NDUFS4: variants seen among roughly 807,000 people sequenced by gnomAD.
NDUFS4 encodes the protein NADH:ubiquinone oxidoreductase subunit S4.
A neutral mutation model predicts 24.3 loss-of-function variants in NDUFS4; 28 were observed. The ratio of observed to expected loss-of-function variants is 1.15; its 90% CI spans 0.85 to 1.58. The LOEUF (loss-of-function observed/expected upper bound fraction) is 1.58, where lower values mean the gene tolerates loss of function less well. NDUFS4 is among the 40% of genes most tolerant of loss of function. The pLI, the probability that NDUFS4 is intolerant of heterozygous loss-of-function variation, is 0.00. For missense variants in NDUFS4, 223 were observed against 207.9 expected (o/e 1.07, Z -0.45); for synonymous variants, 93 against 69.7 (o/e 1.34, Z -1.67).
chr5:53,563,019 GGAGATC>G, intron 1 of NDUFS4, among the ~76,000 whole-genome samples: 1 of 151,998 alleles, frequency 6.6e-6, no homozygotes. Context: ...CACAAGGTCA[GGAGATC>G]GAGACCATCC....
intron 4 of NDUFS4, among the ~76,000 whole-genome samples, chr5:53,660,722 G>A (rs1253935904): frequency 6.6e-6 from 1 of 152,116 alleles, no homozygotes; most frequent in Non-Finnish European, 1.5e-5. Context: ...TCTCATTGTG[G>A]TTTTAATTTG....
chr5:53,683,076 T>C (rs374514833), intron 4 of NDUFS4, 42 bp from the exon 5 acceptor site: 11 of 1,317,690 alleles, frequency 8.3e-6, no homozygotes, highest in Non-Finnish European at 1.1e-5. Context: ...GTATCCTCTT[T>C]AATTCTGTTT....
intron 4 of NDUFS4, among the ~76,000 whole-genome samples, chr5:53,665,461 C>T (rs544623008): frequency 6.4e-4 from 97 of 152,306 alleles, no homozygotes; most frequent in African/African-American, 2.1e-3. Context: ...TCTTGAGCTG[C>T]GCTGGGCTCC....
chr5:53,582,553 T>C (rs1043005793), intron 1 of NDUFS4, among the ~76,000 whole-genome samples: 25 of 152,238 alleles, frequency 1.6e-4, no homozygotes, highest in African/African-American at 5.1e-4. Flanking sequence ...GAGGAGAATG[T>C]GCAAACTCCA....
At chr5:53,668,616 ATTTTTT>A (rs951595795) in intron 4 of NDUFS4, among the ~76,000 whole-genome samples, 6 of 132,342 alleles carry the variant, frequency 4.5e-5, no homozygotes, top group Admixed American at 7.7e-5. Flanking sequence ...TGTCCAGCTA[ATTTTTT>A]TTTTTTTTTT....
chr5:53,680,598 A>G lies in NDUFS4; in HGVS notation c.425-2520A>G, dbSNP rs560545190. ...TTCTCAGTAAACTATCGCAAGGACA[A>G]AAAACCAAACACCACATGTTCTCAC... On this transcript the variant is annotated intron_variant, in intron 4 of 4. Coordinates refer to ENST00000296684, the MANE Select transcript of NDUFS4 (RefSeq NM_002495.4). Among the ~76,000 whole-genome samples the G allele has an allele frequency of 5.3e-5, 8 of 152,254 alleles. No individual in the cohort carries two copies. In the South Asian group the frequency reaches 1.2e-3, roughly 24 times the overall value.
chr5:53,661,929 A>T (rs952227604), intron 4 of NDUFS4, among the ~76,000 whole-genome samples: 1 of 149,488 alleles, frequency 6.7e-6, no homozygotes, highest in African/African-American at 2.5e-5. Context: ...ATATACAACC[A>T]TGTCATCTGC....
intron 2 of NDUFS4, among the ~76,000 whole-genome samples, chr5:53,626,732 GT>G (rs921886153): frequency 6.6e-6 from 1 of 151,564 alleles, no homozygotes; most frequent in South Asian, 2.1e-4. Flanking sequence ...GGGGCTGTTG[GT>G]TTTTTTTCTC....
chr5:53,648,750 T>G (rs967451844), intron 3 of NDUFS4, among the ~76,000 whole-genome samples: 7 of 152,148 alleles, frequency 4.6e-5, no homozygotes, highest in Non-Finnish European at 8.8e-5. Flanking sequence ...ACTGCCCTCC[T>G]TTGCAACCAA....
chr5:53,652,009 G>A (rs1037616653), intron 3 of NDUFS4, among the ~76,000 whole-genome samples: 5 of 151,948 alleles, frequency 3.3e-5, no homozygotes, highest in South Asian at 2.1e-4. Flanking sequence ...TCTTGACCTC[G>A]TGATCCGCCT....
chr5:53,625,329 A>T (rs1333411303), intron 2 of NDUFS4, among the ~76,000 whole-genome samples: 1 of 152,008 alleles, frequency 6.6e-6, no homozygotes, highest in Non-Finnish European at 1.5e-5. Context: ...ATTTTGTTAT[A>T]CTGTGTTTTT....
intron 3 of NDUFS4, among the ~76,000 whole-genome samples, chr5:53,654,572 G>A (rs1752111420): frequency 6.6e-6 from 1 of 151,870 alleles, no homozygotes; most frequent in African/African-American, 2.4e-5. Flanking sequence ...CCTATTTGCA[G>A]AAAGATGACC....
chr5:53,628,518 T>C lies in NDUFS4; in HGVS notation c.178-17715T>C, dbSNP rs556000699. ...TATGAATCTGTCTGGTTCTGGACTT[T>C]TTTTGGTTGGTAGGCTATTATTGCC... On this transcript the variant is annotated intron_variant, in intron 2 of 4. Coordinates refer to ENST00000296684, the MANE Select transcript of NDUFS4 (RefSeq NM_002495.4). Among the ~76,000 whole-genome samples, 13 of 152,330 alleles carry C rather than the reference T, an allele frequency of 8.5e-5. 2 individuals are homozygous for C. In the South Asian group the frequency reaches 1.4e-3, roughly 17 times the overall value.
chr5:53,591,541 C>T (rs1042502140), intron 1 of NDUFS4, among the ~76,000 whole-genome samples: 3 of 149,894 alleles, frequency 2.0e-5, no homozygotes, highest in Non-Finnish European at 4.4e-5. Context: ...CCCTAGCACT[C>T]TTTTGCATGT....
chr5:53,580,559 A>T (rs539986427), intron 1 of NDUFS4, among the ~76,000 whole-genome samples: 1 of 152,210 alleles, frequency 6.6e-6, no homozygotes, highest in African/African-American at 2.4e-5. Flanking sequence ...AGACATCCTC[A>T]TCTTGGATTT....
chr5:53,598,312 G>C (rs1750194232), intron 1 of NDUFS4, among the ~76,000 whole-genome samples: 1 of 152,148 alleles, frequency 6.6e-6, no homozygotes, highest in African/African-American at 2.4e-5. Flanking sequence ...AATGTTTTTA[G>C]CAAAATAACC....
At chr5:53,587,940 CAT>C (rs1749818655) in intron 1 of NDUFS4, among the ~76,000 whole-genome samples, 1 of 152,116 alleles carries the variant, frequency 6.6e-6, no homozygotes, top group African/African-American at 2.4e-5. Flanking sequence ...AAAAGAGTCA[CAT>C]GATTGGGTAT....
chr5:53,573,498 A>G (rs920657334), intron 1 of NDUFS4: 5 of 414,082 alleles, frequency 1.2e-5, no homozygotes, highest in Non-Finnish European at 1.9e-5. Context: ...TTGAGCGTGC[A>G]GATCCTGTAT....
intron 3 of NDUFS4, among the ~76,000 whole-genome samples, chr5:53,651,842 G>C (rs1004727972): frequency 6.7e-6 from 1 of 149,762 alleles, no homozygotes; most frequent in Non-Finnish European, 1.5e-5. Flanking sequence ...GGGCGATCTC[G>C]GCTCACTGCA....
Sources: allele counts gnomAD v4.1 joint callset (sites outside exome capture counted in the v4.1 genomes callset), GRCh38; gene constraint gnomAD v4.1.1; transcripts MANE v1.5; gene names NCBI Gene and HGNC (gene_info 2026-07-23, HGNC 2026-07-21).